Variants in BCAS3 observed in about 807,000 individuals in gnomAD.
BCAS3 encodes the protein BCAS3 microtubule associated cell migration factor.
Under a neutral mutation model 116.1 loss-of-function variants are expected in BCAS3, and 53 were observed. That is an observed-to-expected ratio of 0.46 (90% CI 0.37 to 0.57). The LOEUF is 0.57. Among genes scored for constraint, BCAS3 ranks in the 20% least tolerant of loss-of-function variants. BCAS3 has a pLI of 0.00. For missense variants in BCAS3, 917 were observed against 1,165.4 expected, an observed-to-expected ratio of 0.79 and a Z score of 3.10; for synonymous variants, 391 against 408.2, an observed-to-expected ratio of 0.96 and a Z score of 0.51.
chr17:60,725,488 A>C (rs575513652), intron 5 of BCAS3, among the ~76,000 whole-genome samples: 1 of 152,178 alleles, frequency 6.6e-6, no homozygotes. Flanking sequence ...AGATGTGAGC[A>C]TTGTCTTGAG....
At chr17:60,940,415 A>T (rs1256525284) in intron 13 of BCAS3, among the ~76,000 whole-genome samples, 1 of 152,196 alleles carries the variant, frequency 6.6e-6, no homozygotes, top group Admixed American at 6.5e-5. Flanking sequence ...TGCTGCTGTA[A>T]GCTAGTTTAT....
At chr17:60,977,860 C>T (rs1842731140) in intron 14 of BCAS3, among the ~76,000 whole-genome samples, 1 of 146,020 alleles carries the variant, frequency 6.8e-6, no homozygotes, top group African/African-American at 2.8e-5. Context: ...CATAGTATTC[C>T]ATGGTGTATA....
rs1477753015 is a variant in BCAS3 at position 61,132,051 on chromosome 17, G to C, written c.2425+47487G>C. Among the ~76,000 whole-genome samples the C allele has an allele frequency of 6.6e-6, 1 of 152,224 alleles. No homozygotes were observed. Among genetic ancestry groups the C allele is most frequent in the African/African-American group, 2.4e-5 (1 of 41,512 alleles). ...ACCGTGTTCTCCTTATAGCCACTCT[G>C]TCCCCAAAGAAGTTTTTAATGCTTT... On this transcript the variant is annotated intron_variant, in intron 22 of 23. Coordinates refer to ENST00000407086, the MANE Select transcript of BCAS3 (RefSeq NM_017679.5). This position sits in a 1 kb window ranked among gnomAD's most constrained non-coding sequence, Gnocchi z 5.1.
At chr17:60,839,713 T>C (rs2051720565) in intron 7 of BCAS3, among the ~76,000 whole-genome samples, 1 of 152,208 alleles carries the variant, frequency 6.6e-6, no homozygotes, top group Non-Finnish European at 1.5e-5. Context: ...AATTTTCCTC[T>C]TAAATTTAAA....
intron 22 of BCAS3, among the ~76,000 whole-genome samples, chr17:61,320,374 A>G (rs1243017608): frequency 6.6e-6 from 1 of 150,844 alleles, no homozygotes; most frequent in Non-Finnish European, 1.5e-5. Context: ...TAAGGAATAT[A>G]TGGTGAAAGA....
At chr17:60,886,197 A>G (rs1380928736) in intron 9 of BCAS3, among the ~76,000 whole-genome samples, 2 of 143,658 alleles carry the variant, frequency 1.4e-5, no homozygotes, top group South Asian at 2.4e-4. Context: ...CATTCATTTC[A>G]TCTTCCATTG....
chr17:60,825,525 A>ATAATAATTTATAAATAATTAT (rs1568331093), intron 7 of BCAS3, among the ~76,000 whole-genome samples: 1 of 139,428 alleles, frequency 7.2e-6, no homozygotes, highest in African/African-American at 2.7e-5. Flanking sequence ...ATTTATAAAT[A>ATAATAATTTATAAATAATTAT]TTATAATAAT....
chr17:61,047,626 G>A (rs1301860174), intron 19 of BCAS3, among the ~76,000 whole-genome samples: 1 of 151,854 alleles, frequency 6.6e-6, no homozygotes, highest in Non-Finnish European at 1.5e-5. Flanking sequence ...TCCAACACAG[G>A]CATTATATTT....
intron 6 of BCAS3, among the ~76,000 whole-genome samples, chr17:60,798,997 T>C (rs1336487436): frequency 6.6e-6 from 1 of 152,242 alleles, no homozygotes; most frequent in East Asian, 1.9e-4. Flanking sequence ...ACCTCAGGTC[T>C]TTTGCCCATA....
chr17:61,052,365 G>C (rs2068936829), intron 19 of BCAS3, among the ~76,000 whole-genome samples: 1 of 151,674 alleles, frequency 6.6e-6, no homozygotes, highest in African/African-American at 2.4e-5. Flanking sequence ...TTTATCTCTT[G>C]AAGTTCCATT....
intron 5 of BCAS3, among the ~76,000 whole-genome samples, chr17:60,715,890 T>G (rs1025825345): frequency 2.0e-5 from 3 of 152,004 alleles, no homozygotes; most frequent in Non-Finnish European, 2.9e-5. Flanking sequence ...TGAGATGGAG[T>G]CTTGCTCTGT....
chr17:60,896,317 C>T lies in BCAS3; in HGVS notation c.739-6303C>T, dbSNP rs534036489. ...CCTAGGTGACAAAGCAAGACTCAGT[C>T]TCAATAAATAAATAAATAAAGTCCA... On this transcript the variant is annotated intron_variant, in intron 10 of 23. Transcript: ENST00000407086. Among the ~76,000 whole-genome samples, 4 of 152,278 alleles carry T rather than the reference C, an allele frequency of 2.6e-5. No homozygotes were observed. In the South Asian group the frequency reaches 6.2e-4, roughly 24 times the overall value.
chr17:61,120,030 G>C (rs1049667387), intron 22 of BCAS3, among the ~76,000 whole-genome samples: 1 of 151,980 alleles, frequency 6.6e-6, no homozygotes, highest in African/African-American at 2.4e-5. Flanking sequence ...TCTGAATAAG[G>C]AGACTGATTA....
intron 6 of BCAS3, among the ~76,000 whole-genome samples, chr17:60,773,941 C>T (rs533166693): frequency 6.6e-6 from 1 of 152,234 alleles, no homozygotes; most frequent in Non-Finnish European, 1.5e-5. Flanking sequence ...GCCACTTTGC[C>T]CGGCCTTACT....
At chr17:61,003,770 T>G (rs1308146999) in intron 15 of BCAS3, 1 of 152,202 alleles carries the variant, frequency 6.6e-6, no homozygotes, top group Non-Finnish European at 1.5e-5. Flanking sequence ...TATTTAATAA[T>G]TCATTTTTAT....
chr17:61,268,044 C>T (rs566023729), intron 22 of BCAS3, among the ~76,000 whole-genome samples: 1 of 152,248 alleles, frequency 6.6e-6, no homozygotes, highest in South Asian at 2.1e-4. Flanking sequence ...TTGTAGATGT[C>T]ACTCAGGCCA....
intron 19 of BCAS3, among the ~76,000 whole-genome samples, chr17:61,066,828 C>T (rs1419118797): frequency 2.0e-5 from 3 of 151,950 alleles, no homozygotes; most frequent in African/African-American, 4.8e-5. Context: ...AACTCATTCT[C>T]GGAATCCTGG....
chr17:60,918,435 T>C (rs2058889023), intron 12 of BCAS3, among the ~76,000 whole-genome samples: 1 of 152,218 alleles, frequency 6.6e-6, no homozygotes, highest in South Asian at 2.1e-4. Flanking sequence ...CATTTCTATG[T>C]GTAGAGAACA....
chr17:60,683,866 CAAA>C, intron 2 of BCAS3, 113 bp from the exon 3 acceptor site: 1 of 935,674 alleles, frequency 1.1e-6, no homozygotes, highest in Non-Finnish European at 1.6e-6. Context: ...AAAAAAACCC[CAAA>C]AAACAAACAA....
Sources: allele counts gnomAD v4.1 joint callset (sites outside exome capture counted in the v4.1 genomes callset), GRCh38; gene constraint gnomAD v4.1.1; non-coding constraint Gnocchi (gnomAD v3.1); transcripts MANE v1.5; gene names NCBI Gene and HGNC (gene_info 2026-07-23, HGNC 2026-07-21).